Variants in CFAP61 observed in about 807,000 individuals in gnomAD.
CFAP61 encodes cilia and flagella associated protein 61.
CFAP61 carries 107 observed loss-of-function variants against 135.6 expected under a neutral mutation model. The ratio of observed to expected loss-of-function variants is 0.79; its 90% CI spans 0.67 to 0.93. The LOEUF (loss-of-function observed/expected upper bound fraction) is 0.93. Ranked by LOEUF, CFAP61 falls within the 40% of genes least tolerant of loss-of-function variation. The pLI is 0.00. For synonymous variants in CFAP61, 575 were observed against 578.5 expected (o/e 0.99, Z 0.09); for missense variants, 1,507 against 1,556.2 (o/e 0.97, Z 0.53).
At chr20:20,245,380 C>A (rs182889619) in intron 18 of CFAP61, among the ~76,000 whole-genome samples, 3 of 152,294 alleles carry the variant, frequency 2.0e-5, no homozygotes, top group South Asian at 4.1e-4. Context: ...CAAAGAGGAA[C>A]AAGTCACGTC....
At position 20,277,356 on chromosome 20, in the gene CFAP61, C is replaced by G. The variant is rs533211401; in HGVS notation, c.2694C>G (p.Tyr898Ter). 3 of 1,614,184 alleles carry G rather than the reference C, an allele frequency of 1.9e-6. No homozygotes were observed. The East Asian group carries it at 6.7e-5, about 36-fold the overall frequency. Residue 898 changes from tyrosine to a stop codon, truncating the protein, a stop_gained, in exon 22 of 27, where the codon TAC (tyrosine) becomes TAG (stop). Coordinates refer to ENST00000245957, the MANE Select transcript of CFAP61 (RefSeq NM_015585.4). LOFTEE classifies it high-confidence loss of function. ...TAGGAGCCGCCGGAGTCACTATGTA[C>G]CGGGATGCGATCCTGGCCCAGTGGA... The part of the protein sequence containing the change: ...DALGAAGVTM[Y>*]RDAILAQWND...
chr20:20,128,374 T>C (rs1270025625), intron 8 of CFAP61, among the ~76,000 whole-genome samples: 2 of 151,768 alleles, frequency 1.3e-5, no homozygotes, highest in African/African-American at 4.9e-5. Context: ...CTGCTTCCTC[T>C]ACCCCTATAT....
intron 6 of CFAP61, among the ~76,000 whole-genome samples, chr20:20,076,860 A>T (rs1005555933): frequency 6.6e-6 from 1 of 152,170 alleles, no homozygotes; most frequent in African/African-American, 2.4e-5. Flanking sequence ...GTTAACTTAC[A>T]AAAGGAACGT....
At chr20:20,126,954 C>A (rs2050112021) in intron 8 of CFAP61, among the ~76,000 whole-genome samples, 1 of 151,314 alleles carries the variant, frequency 6.6e-6, no homozygotes, top group Non-Finnish European at 1.5e-5. Flanking sequence ...TGGGTTAATT[C>A]GAAGATGTTG....
chr20:20,225,780 T>A (rs1024915170), intron 17 of CFAP61, among the ~76,000 whole-genome samples: 1 of 152,172 alleles, frequency 6.6e-6, no homozygotes, highest in African/African-American at 2.4e-5. Flanking sequence ...ACAACACATA[T>A]GCTTCCCACC....
At chr20:20,271,972 C>T (rs1050289338) in intron 21 of CFAP61, among the ~76,000 whole-genome samples, 6 of 152,138 alleles carry the variant, frequency 3.9e-5, no homozygotes, top group Non-Finnish European at 7.3e-5. Context: ...ACTTCAAAAA[C>T]AGTGTATGTG....
Position 20,251,630 on chromosome 20 carries a change from C to T in CFAP61, c.2195C>T (p.Ser732Leu). The change falls in exon 20 of 27, where the codon TCA (serine) becomes TTA (leucine). Residue 732 changes from serine to leucine, a missense_variant. Ser to Leu is a moderately radical substitution (Grantham distance 145, BLOSUM62 -2). Coordinates refer to ENST00000245957, the MANE Select transcript of CFAP61 (RefSeq NM_015585.4). ...AATGATAAAGATTATGCACTGATGT[C>T]ACTGTGCTCCTGGGTTAATGTCGTG... The part of the protein sequence containing the change: ...CFNDKDYALM[S>L]LCSWVNVVVG... 6.2e-7 allele frequency: 1 copy of T among 1,614,172 alleles called. No homozygotes were observed. Among genetic ancestry groups the T allele is most frequent in the Non-Finnish European group, 8.5e-7 (1 of 1,179,998 alleles).
At chr20:20,188,287 CT>C (rs2146867745) in intron 14 of CFAP61, among the ~76,000 whole-genome samples, 1 of 152,304 alleles carries the variant, frequency 6.6e-6, no homozygotes, top group Non-Finnish European at 1.5e-5. Context: ...CAAAATCCTT[CT>C]CAGGAAGATA....
intron 17 of CFAP61, among the ~76,000 whole-genome samples, chr20:20,220,841 G>A (rs191618190): frequency 2.6e-5 from 4 of 152,288 alleles, no homozygotes; most frequent in East Asian, 1.9e-4. Context: ...TTCAGCTCAT[G>A]TCCTCATTTT....
intron 8 of CFAP61, among the ~76,000 whole-genome samples, chr20:20,140,807 C>T (rs6112782): frequency 0.13 from 19,275 of 151,946 alleles, 1,395 homozygotes; most frequent in Non-Finnish European, 0.15. Context: ...AGACTTGGAA[C>T]CAACCCAAAT....
intron 8 of CFAP61, among the ~76,000 whole-genome samples, chr20:20,115,654 T>C (rs116154105): frequency 5.4e-4 from 83 of 152,348 alleles, no homozygotes; most frequent in African/African-American, 1.9e-3. Flanking sequence ...TAGATCCATT[T>C]TTTTAGCTCC....
chr20:20,355,158 G>A, intron 26 of CFAP61, among the ~76,000 whole-genome samples: 1 of 142,268 alleles, frequency 7.0e-6, no homozygotes, highest in Admixed American at 7.0e-5. Flanking sequence ...AGAGGGAAGG[G>A]GGTCACTGTG....
intron 13 of CFAP61, among the ~76,000 whole-genome samples, chr20:20,182,432 CTTAT>C (rs1274942631): frequency 6.6e-6 from 1 of 151,998 alleles, no homozygotes; most frequent in Admixed American, 6.6e-5. Context: ...CCTCATGTGC[CTTAT>C]TTAAAATTTT....
At chr20:20,057,014 A>T (rs1476920632) in intron 2 of CFAP61, among the ~76,000 whole-genome samples, 2 of 150,810 alleles carry the variant, frequency 1.3e-5, no homozygotes, top group African/African-American at 4.9e-5. Context: ...GCTGCTCGGG[A>T]GGCTGAGGCA....
chr20:20,294,828 T>G (rs1375763220), intron 24 of CFAP61, among the ~76,000 whole-genome samples: 1 of 150,872 alleles, frequency 6.6e-6, no homozygotes, highest in Non-Finnish European at 1.5e-5. Context: ...CTCGGGAGGC[T>G]GAGGCAGGAG....
intron 17 of CFAP61, among the ~76,000 whole-genome samples, chr20:20,221,500 C>A (rs2048400480): frequency 6.6e-6 from 1 of 152,044 alleles, no homozygotes; most frequent in African/African-American, 2.4e-5. Flanking sequence ...AAAATGCAGC[C>A]AATTAAATTG....
chr20:20,287,096 A>G (rs1229361384), intron 22 of CFAP61, among the ~76,000 whole-genome samples: 2 of 152,214 alleles, frequency 1.3e-5, no homozygotes, highest in Non-Finnish European at 2.9e-5. Context: ...TGAGAAAGCA[A>G]AAAAGGAGTG....
intron 17 of CFAP61, among the ~76,000 whole-genome samples, chr20:20,219,541 G>T (rs895229601): frequency 1.3e-5 from 2 of 152,154 alleles, no homozygotes; most frequent in East Asian, 3.8e-4. Context: ...TTATGATATG[G>T]ATTGGAAAGA....
chr20:20,054,495 A>T (rs974290645), intron 1 of CFAP61, among the ~76,000 whole-genome samples: 1 of 152,174 alleles, frequency 6.6e-6, no homozygotes, highest in Non-Finnish European at 1.5e-5. Flanking sequence ...AACATTTTTT[A>T]AAAATTACAT....
Sources: allele counts gnomAD v4.1 joint callset (sites outside exome capture counted in the v4.1 genomes callset), GRCh38; gene constraint gnomAD v4.1.1; transcripts MANE v1.5; gene names NCBI Gene and HGNC (gene_info 2026-07-23, HGNC 2026-07-21).